Variants in JKAMP observed in about 807,000 individuals in gnomAD.
The protein encoded by JKAMP is JNK1/MAPK8-associated membrane protein.
Under a neutral mutation model 40.2 loss-of-function variants are expected in JKAMP, and 20 were observed. The observed-to-expected ratio is 0.50, with a 90% CI of 0.35 to 0.72. JKAMP has a LOEUF of 0.72. Among genes scored for constraint, JKAMP ranks in the 30% least tolerant of loss-of-function variants. JKAMP has a pLI of 0.01. For missense variants in JKAMP, 276 were observed against 373.0 expected (o/e 0.74, Z 2.14); for synonymous variants, 138 against 131.6 (o/e 1.05, Z -0.33).
intron 4 of JKAMP, among the ~76,000 whole-genome samples, chr14:59,497,903 G>A (rs1045828233): frequency 2.0e-5 from 3 of 152,150 alleles, no homozygotes; most frequent in African/African-American, 7.2e-5. Context: ...TATAGGGAGA[G>A]GGTTTGAGTA....
At chr14:59,502,755 T>TGTTTTGTTTTGTTTTGTTTTTTTG (rs67189643) in intron 6 of JKAMP, among the ~76,000 whole-genome samples, 135 of 122,922 alleles carry the variant, frequency 1.1e-3, no homozygotes, top group East Asian at 2.6e-3. Context: ...ATGAGATTTT[T>TGTTTTGTTTTGTTTTGTTTTTTTG]TTTTTTTTTT....
Position 59,495,085 on chromosome 14 carries a change from C to A in JKAMP, c.319C>A (p.Leu107Ile). 5.0e-6 allele frequency: 8 copies of A among 1,613,678 alleles called. No homozygotes were observed. Among genetic ancestry groups the A allele is most frequent in the South Asian group, 1.1e-5 (1 of 91,074 alleles). ...ECSMAAIITLLVSDPVGVLYI... is the reference protein window; with the variant it reads ...ECSMAAIITLIVSDPVGVLYI... ...CAGCATGGCAGCTATTATCACCTTACTTGTGAGTGATCCAGTTGGTGTTCT... is the reference window on the plus strand; with the variant it reads ...CAGCATGGCAGCTATTATCACCTTAATTGTGAGTGATCCAGTTGGTGTTCT... Residue 107 changes from leucine (L) to isoleucine (I), a missense_variant, in exon 4 of 7, where the codon CTT becomes ATT. Physicochemically the swap from Leu to Ile is conservative, Grantham distance 5 (BLOSUM62 2). Transcript: ENST00000616435.
rs556183850 is a variant in JKAMP, at chr14:59,495,036, A to G, written c.270A>G (p.Gln90=). 1,109 of 1,613,712 alleles carry G rather than the reference A, an allele frequency of 6.9e-4. 14 individuals are homozygous for G. The South Asian group carries it at 0.012, about 17-fold the overall frequency. The change falls in exon 4 of 7, where the codon CAA becomes CAG. Residue 90 remains glutamine (Q), a synonymous_variant. Coordinates refer to ENST00000616435, the MANE Select transcript of JKAMP (RefSeq NM_016475.5). ...SGKKSSSALF[Q]HITALFECSM... is the part of the protein sequence containing the mutation. Reference sequence around the variant, plus strand: ...TCTCTAGTTCCAGCGCACTTTTCCAACACATCACTGCATTATTTGAATGCA... The same window carrying G: ...TCTCTAGTTCCAGCGCACTTTTCCAGCACATCACTGCATTATTTGAATGCA...
intron 3 of JKAMP, among the ~76,000 whole-genome samples, chr14:59,490,907 A>G (rs1291639917): frequency 6.6e-6 from 1 of 152,190 alleles, no homozygotes; most frequent in African/African-American, 2.4e-5. Flanking sequence ...GACGTCAGCT[A>G]TGTTTTGAGG....
At chr14:59,491,465 A>C (rs898352854) in intron 3 of JKAMP, among the ~76,000 whole-genome samples, 2 of 152,264 alleles carry the variant, frequency 1.3e-5, no homozygotes, top group African/African-American at 4.8e-5. Context: ...TAATGGCAAG[A>C]AATAATGAAG....
intron 3 of JKAMP, among the ~76,000 whole-genome samples, chr14:59,490,089 A>AT (rs1566575460): frequency 2.0e-5 from 3 of 151,844 alleles, no homozygotes; most frequent in Admixed American, 6.6e-5. Context: ...TACCCTGCTA[A>AT]TTTTTTATAT....
rs796697193 is a variant in JKAMP at position 59,502,773 on chromosome 14, T to TTTTTTTTTTTTTTTTTTTTTTG, written c.718-1081_718-1080insTTTTTTTTTTTTTTTTTTTTTG. 2.4e-4 allele frequency among the ~76,000 whole-genome samples: 25 copies of TTTTTTTTTTTTTTTTTTTTTTG among 102,842 alleles called. 1 individual carries two copies. The highest frequency in any genetic ancestry group is 3.3e-4 in the Non-Finnish European group (18 of 54,378). 67.5% of individuals were successfully genotyped at this position (102,842 alleles called of 152,430 possible). On this transcript the variant is annotated intron_variant, in intron 6 of 6. Transcript: ENST00000616435. ...AGATTTTTTTTTTTTTTTTTTTTTT[T>TTTTTTTTTTTTTTTTTTTTTTG]CGGAGTCTCACTCTGTCGCTTAGGC...
At position 59,503,300 on chromosome 14, in the gene JKAMP, T is replaced by G. The variant is rs1286905235; in HGVS notation, c.718-554T>G. Among the ~76,000 whole-genome samples the G allele has an allele frequency of 2.0e-5, 3 of 152,176 alleles. No individual in the cohort carries two copies. The East Asian group carries it at 5.8e-4, about 29-fold the overall frequency. On this transcript the variant is annotated intron_variant, in intron 6 of 6. Coordinates refer to ENST00000616435, the MANE Select transcript of JKAMP (RefSeq NM_016475.5). ...CGTTTTAATGTGTTTATTAGCACAT[T>G]TAGATATTTTGTATTTCATTCTTCT...
intron 4 of JKAMP, 128 bp from the exon 5 acceptor site, chr14:59,498,599 G>C (rs1451731601): frequency 3.6e-6 from 2 of 548,270 alleles, no homozygotes; most frequent in Non-Finnish European, 6.1e-6. Context: ...CCACCAATCT[G>C]AATATCCAAT....
intron 2 of JKAMP, among the ~76,000 whole-genome samples, 184 bp downstream of exon 2, chr14:59,486,988 G>T (rs943306124): frequency 5.3e-4 from 80 of 152,256 alleles, no homozygotes; most frequent in African/African-American, 1.9e-3. Flanking sequence ...ATCACTTGAG[G>T]TCAGGAGTTC....
At chr14:59,496,627 A>G (rs1891470943) in intron 4 of JKAMP, among the ~76,000 whole-genome samples, 1 of 152,150 alleles carries the variant, frequency 6.6e-6, no homozygotes, top group Non-Finnish European at 1.5e-5. Flanking sequence ...AGTCACTTCT[A>G]ATTTATTGTA....
chr14:59,501,678 A>G (rs1334165012), intron 6 of JKAMP, among the ~76,000 whole-genome samples: 1 of 152,176 alleles, frequency 6.6e-6, no homozygotes, highest in Admixed American at 6.5e-5. Context: ...TGTGCATTCC[A>G]TATCCTTCTG....
chr14:59,487,263 C>T (rs1253110), intron 2 of JKAMP: 81,285 of 154,130 alleles, frequency 0.53, 23,530 homozygotes, highest in African/African-American at 0.77. Context: ...AGTCATTGTT[C>T]ATGTTGGCAT....
rs150685758 is a variant in JKAMP at position 59,484,841 on chromosome 14, T to G, written c.4+248T>G. Reference sequence around the variant, plus strand: ...CAGGTCTTTGTTGTTTGGTCCGAAATGTCTCTTCAGTCCCTTAGTTTAATG... The same window carrying G: ...CAGGTCTTTGTTGTTTGGTCCGAAAGGTCTCTTCAGTCCCTTAGTTTAATG... On this transcript the variant is annotated intron_variant, in intron 1 of 6. Coordinates refer to ENST00000616435, the MANE Select transcript of JKAMP (RefSeq NM_016475.5). 66 of 1,044,084 alleles carry G rather than the reference T, an allele frequency of 6.3e-5. No individual in the cohort carries two copies. The African/African-American group carries it at 1.0e-3, about 16-fold the overall frequency. The allele number at this position is 1,044,084 out of a possible 1,614,324, so 64.7% of individuals were successfully genotyped here.
At chr14:59,494,879 G>GA in intron 3 of JKAMP, 139 bp from the exon 4 acceptor site, 1 of 633,042 alleles carries the variant, frequency 1.6e-6, no homozygotes, top group Non-Finnish European at 2.8e-6. Flanking sequence ...TCCCTTTTGA[G>GA]AAAAAAAGGT....
intron 3 of JKAMP, among the ~76,000 whole-genome samples, chr14:59,489,333 G>C (rs931250625): frequency 1.3e-5 from 2 of 152,176 alleles, no homozygotes; most frequent in Non-Finnish European, 2.9e-5. Flanking sequence ...TCACTCTTAA[G>C]TTCCAACTTC....
chr14:59,494,891 A>T (rs1891322188), intron 3 of JKAMP, 127 bp from the exon 4 acceptor site: 4 of 653,044 alleles, frequency 6.1e-6, no homozygotes, highest in Non-Finnish European at 1.1e-5. Flanking sequence ...AAAAAAGGTT[A>T]TACTCGAGTA....
At chr14:59,484,639 C>G (rs1490312514) in intron 1 of JKAMP, 46 bp downstream of exon 1, 1 of 1,567,566 alleles carries the variant, frequency 6.4e-7, no homozygotes, top group Non-Finnish European at 8.7e-7. Context: ...GTAGTCCCGA[C>G]TACTTTCCTA....
chr14:59,486,344 AG>A (rs1424878759), intron 1 of JKAMP, among the ~76,000 whole-genome samples: 1 of 152,224 alleles, frequency 6.6e-6, no homozygotes, highest in Non-Finnish European at 1.5e-5. Flanking sequence ...GCAAAATACA[AG>A]GTGGTGACCC....
Sources: gnomAD v4.1 joint callset for allele counts (sites outside exome capture counted in the v4.1 genomes callset) on GRCh38, gnomAD v4.1.1 for gene constraint, MANE v1.5 for transcripts, NCBI Gene and HGNC (gene_info 2026-07-23, HGNC 2026-07-21) for gene names.